EHBP1: variants seen among roughly 807,000 people sequenced by gnomAD.
The protein encoded by EHBP1 is EH domain binding protein 1.
A neutral mutation model predicts 144.0 loss-of-function variants in EHBP1; 55 were observed. The observed-to-expected ratio is 0.38, with a 90% CI of 0.31 to 0.48. The LOEUF (loss-of-function observed/expected upper bound fraction) is 0.48, where lower values mean the gene tolerates loss of function less well. Among genes scored for constraint, EHBP1 ranks in the 20% least tolerant of loss-of-function variants. The pLI is 0.98. For synonymous variants in EHBP1, 469 were observed against 472.7 expected, an observed-to-expected ratio of 0.99 and a Z score of 0.10; for missense variants, 1,200 against 1,364.2, an observed-to-expected ratio of 0.88 and a Z score of 1.90.
At chr2:62,800,776 A>T (rs1298430863) in intron 5 of EHBP1, among the ~76,000 whole-genome samples, 1 of 152,234 alleles carries the variant, frequency 6.6e-6, no homozygotes, top group Non-Finnish European at 1.5e-5. Flanking sequence ...ACACAAAACA[A>T]TGTATTACAA....
intron 10 of EHBP1, among the ~76,000 whole-genome samples, chr2:62,901,553 CA>C (rs1198937895): frequency 2.7e-5 from 4 of 146,434 alleles, no homozygotes; most frequent in Admixed American, 2.7e-4. Flanking sequence ...ATAGAGGAAA[CA>C]AAAAAAAGGG....
chr2:63,012,961 G>GT (rs775744179), intron 19 of EHBP1, among the ~76,000 whole-genome samples: 7 of 151,944 alleles, frequency 4.6e-5, no homozygotes, highest in Non-Finnish European at 1.0e-4. Flanking sequence ...TGAGTCTTAT[G>GT]TTTAAAAAAA....
At chr2:62,907,891 C>G (rs1467710088) in intron 10 of EHBP1, among the ~76,000 whole-genome samples, 3 of 152,124 alleles carry the variant, frequency 2.0e-5, no homozygotes, top group African/African-American at 4.8e-5. Context: ...ACTTTAATCT[C>G]TCTAGTTTTG....
At chr2:62,832,965 C>T (rs1435602069) in intron 7 of EHBP1, among the ~76,000 whole-genome samples, 2 of 152,008 alleles carry the variant, frequency 1.3e-5, no homozygotes, top group African/African-American at 4.8e-5. Context: ...GCCTCTTGTG[C>T]CAAACAGTTA....
chr2:62,982,513 G>C (rs1235807422), intron 15 of EHBP1, among the ~76,000 whole-genome samples: 3 of 152,192 alleles, frequency 2.0e-5, no homozygotes, highest in Non-Finnish European at 1.5e-5. Context: ...AGGTTGTTAA[G>C]TCAGGGGAAA....
intron 8 of EHBP1, among the ~76,000 whole-genome samples, chr2:62,861,482 G>A (rs937105013): frequency 6.6e-6 from 1 of 150,638 alleles, no homozygotes; most frequent in Non-Finnish European, 1.5e-5. Context: ...GGTGGTTCAC[G>A]CCTGTAATCC....
chr2:62,773,678 A>G (rs1428012196), intron 5 of EHBP1, among the ~76,000 whole-genome samples: 1 of 151,230 alleles, frequency 6.6e-6, no homozygotes, highest in Non-Finnish European at 1.5e-5. Context: ...GTGAAACCCC[A>G]TCTTTACTAA....
intron 1 of EHBP1, among the ~76,000 whole-genome samples, chr2:62,679,938 A>C (rs2033452756): frequency 6.6e-6 from 1 of 152,192 alleles, no homozygotes; most frequent in Non-Finnish European, 1.5e-5. Context: ...GCTTCATCTG[A>C]GCGTTTATCT....
At chr2:62,718,125 G>C (rs992546235) in intron 2 of EHBP1, among the ~76,000 whole-genome samples, 11 of 152,250 alleles carry the variant, frequency 7.2e-5, no homozygotes, top group Admixed American at 1.3e-4. Context: ...CAGAACCACT[G>C]TTAAATAAGA....
chr2:62,888,768 TCACCTTTACTACATGAAAAA>T (rs2052160489), intron 10 of EHBP1, among the ~76,000 whole-genome samples: 1 of 152,152 alleles, frequency 6.6e-6, no homozygotes, highest in Non-Finnish European at 1.5e-5. Flanking sequence ...ACTGGTTAGC[TCACCTTTACTACATGAAAAA>T]GGAAGGGGAT....
chr2:62,753,528 C>G (rs1025203227), intron 3 of EHBP1, among the ~76,000 whole-genome samples: 1 of 152,038 alleles, frequency 6.6e-6, no homozygotes, highest in Non-Finnish European at 1.5e-5. Context: ...CTCTGTATTT[C>G]CTGAATTTGA....
intron 2 of EHBP1, among the ~76,000 whole-genome samples, chr2:62,733,603 T>C (rs1316271599): frequency 6.6e-6 from 1 of 152,222 alleles, no homozygotes; most frequent in African/African-American, 2.4e-5. Flanking sequence ...TTCACTTCTC[T>C]CAGTTCATTT....
At chr2:62,851,661 GT>G (rs1013947320) in intron 7 of EHBP1, among the ~76,000 whole-genome samples, 5 of 151,942 alleles carry the variant, frequency 3.3e-5, no homozygotes, top group South Asian at 2.1e-4. Flanking sequence ...TAGATAAGTG[GT>G]TTTTTTTGGA....
At chr2:62,831,569 G>A (rs937082463) in intron 7 of EHBP1, among the ~76,000 whole-genome samples, 1 of 152,122 alleles carries the variant, frequency 6.6e-6, no homozygotes, top group African/African-American at 2.4e-5. Context: ...GACATTCTGT[G>A]TTTTGAATTT....
chr2:62,907,451 C>G (rs562386978), intron 10 of EHBP1, among the ~76,000 whole-genome samples: 1 of 152,298 alleles, frequency 6.6e-6, no homozygotes, highest in South Asian at 2.1e-4. Context: ...AACTGGTTGG[C>G]TTAAACAGCA....
At chr2:62,837,466 C>T (rs1457584209) in intron 7 of EHBP1, among the ~76,000 whole-genome samples, 2 of 151,606 alleles carry the variant, frequency 1.3e-5, no homozygotes, top group African/African-American at 4.9e-5. Context: ...ATCATAATGA[C>T]AGGATCAAAT....
chr2:63,039,907 CA>C (rs2061590448), intron 21 of EHBP1, among the ~76,000 whole-genome samples: 1 of 152,006 alleles, frequency 6.6e-6, no homozygotes, highest in South Asian at 2.1e-4. Context: ...TGAAAGGCTT[CA>C]GTTAGCCAAT....
intron 10 of EHBP1, among the ~76,000 whole-genome samples, chr2:62,906,350 T>C (rs953447857): frequency 6.6e-6 from 1 of 152,186 alleles, no homozygotes; most frequent in African/African-American, 2.4e-5. Context: ...TTCATTCCTG[T>C]TGCTATATCA....
At chr2:62,860,729 G>A (rs1393887240) in intron 8 of EHBP1, among the ~76,000 whole-genome samples, 4 of 152,144 alleles carry the variant, frequency 2.6e-5, no homozygotes, top group African/African-American at 7.2e-5. Flanking sequence ...GAGACATTCA[G>A]TATTTGAACT....
Sources: gnomAD v4.1 joint callset for allele counts (sites outside exome capture counted in the v4.1 genomes callset) on GRCh38, gnomAD v4.1.1 for gene constraint, MANE v1.5 for transcripts, NCBI Gene and HGNC (gene_info 2026-07-23, HGNC 2026-07-21) for gene names.